Variants in SNRPB observed in about 807,000 individuals in gnomAD.
SNRPB encodes the protein small nuclear ribonucleoprotein polypeptides B and B1.
A neutral mutation model predicts 26.6 loss-of-function variants in SNRPB; 5 were observed. The observed-to-expected ratio is 0.19, with a 90% confidence interval of 0.10 to 0.39. The LOEUF is 0.39. Among genes scored for constraint, SNRPB ranks in the 10% least tolerant of loss-of-function variants. The probability of loss-of-function intolerance (pLI) is 1.00; values close to 1 mark genes in which losing one functional copy is unlikely to be tolerated. For missense variants in SNRPB, 211 were observed against 311.9 expected (o/e 0.68, Z 2.44); for synonymous variants, 122 against 105.8 (o/e 1.15, Z -0.94).
chr20:2,461,779 C>T lies in SNRPB; in HGVS notation c.*150G>A. 1 of 1,611,426 alleles carries T rather than the reference C, an allele frequency of 6.2e-7. No homozygotes were observed. ...GTCTAGGGCCTTGGTGGGCGCATTC[C>T]CGGGGGAGGGGGCCCTGTAAGGGAA... is the stretch of plus-strand genomic sequence containing the variant. On this transcript the variant is annotated 3_prime_UTR_variant, in exon 7 of 7. Transcript: ENST00000381342.
chr20:2,470,645 C>T, intron 1 of SNRPB, 43 bp downstream of exon 1: 1 of 1,613,132 alleles, frequency 6.2e-7, no homozygotes. Flanking sequence ...CACTCCACAA[C>T]AGACTCGGAA....
At chr20:2,464,491 C>T (rs1409322590) in intron 3 of SNRPB, among the ~76,000 whole-genome samples, 1 of 152,096 alleles carries the variant, frequency 6.6e-6, no homozygotes, top group Non-Finnish European at 1.5e-5. Flanking sequence ...ACGTAAAAAT[C>T]TCCAAAAAAG....
chr20:2,466,868 C>T (rs1009620419), intron 2 of SNRPB, among the ~76,000 whole-genome samples: 19 of 152,150 alleles, frequency 1.2e-4, no homozygotes, highest in African/African-American at 4.1e-4. Context: ...CCTTGGGTCA[C>T]AGAAGAAATC....
At chr20:2,465,681 TCCA>T in intron 3 of SNRPB, 24 bp downstream of exon 3, 4 of 1,507,480 alleles carry the variant, frequency 2.7e-6, no homozygotes, top group Non-Finnish European at 3.7e-6. Flanking sequence ...CCTCCCCTCC[TCCA>T]CAAGGCTTCC....
intron 3 of SNRPB, 43 bp downstream of exon 3, chr20:2,465,665 G>T: frequency 7.5e-7 from 1 of 1,328,942 alleles, no homozygotes; most frequent in Non-Finnish European, 1.1e-6. Context: ...CTGGCTCACA[G>T]TAGGGCCTCC....
rs1250830148 is a variant in SNRPB at position 2,462,839 on chromosome 20, C to A, written c.560-78G>T. 7.7e-6 allele frequency: 10 copies of A among 1,290,452 alleles called. No homozygotes were observed. In the South Asian group the frequency reaches 1.5e-4, roughly 19 times the overall value. 79.9% of individuals were successfully genotyped at this position (1,290,452 alleles called of 1,614,324 possible). ...AGCAAAAAAACTACAAAGCTTTCCA[C>A]CAAGTTCTGAGATAGATGGACCATT... On this transcript the variant is annotated intron_variant, in intron 5 of 6. Transcript: ENST00000381342.
Position 2,462,619 on chromosome 20 carries a change from C to T in SNRPB, c.685+17G>A, listed in dbSNP as rs772433775. 1.9e-6 allele frequency: 3 copies of T among 1,611,616 alleles called. No homozygotes were observed. Among genetic ancestry groups the T allele is most frequent in the East Asian group, 2.2e-5 (1 of 44,838 alleles). On this transcript the variant is annotated intron_variant, in intron 6 of 6. Transcript: ENST00000381342. ...GCTCTAGGGAAAGAAGCCAAAGTCA[C>T]CACTGCAGGCACTTACCTCGCATCC...
intron 2 of SNRPB, 63 bp from the exon 3 acceptor site, chr20:2,465,882 T>C: frequency 8.0e-7 from 1 of 1,247,092 alleles, no homozygotes; most frequent in Non-Finnish European, 1.2e-6. Context: ...ACCTGCCTAG[T>C]GGCCTCCAAG....
At chr20:2,467,174 G>A (rs1404893841) in intron 2 of SNRPB, 2 of 410,120 alleles carry the variant, frequency 4.9e-6, no homozygotes, top group African/African-American at 2.1e-5. Flanking sequence ...AAACCCACAT[G>A]GGGAGCTGAG....
In SNRPB at chr20:2,464,667, A is replaced by G. The variant is rs527833828; in HGVS notation, c.268-768T>C. On this transcript the variant is annotated intron_variant, in intron 3 of 6. Coordinates refer to ENST00000381342, the MANE Select transcript of SNRPB (RefSeq NM_003091.4). ...AAGTACAAAAAAATCCAGATAATAT[A>G]TGTGGATTTTTAAAAAGTTAAAAGG... Among the ~76,000 whole-genome samples, 10 of 152,326 alleles carry G rather than the reference A, an allele frequency of 6.6e-5. 1 individual carries two copies. Among genetic ancestry groups the G allele is most frequent in the Middle Eastern group, 3.4e-3 (1 of 294 alleles).
rs1389994284 is a variant in SNRPB, at chr20:2,463,384, C to T, written c.421-157G>A. Among the ~76,000 whole-genome samples, 2 of 152,192 alleles carry T rather than the reference C, an allele frequency of 1.3e-5. No individual in the cohort carries two copies. The highest frequency in any genetic ancestry group is 1.9e-4 in the East Asian group (1 of 5,198). On this transcript the variant is annotated intron_variant, in intron 4 of 6. Transcript: ENST00000381342. The surrounding 1 kb of genome is among the most constrained non-coding windows in gnomAD (Gnocchi z 5.0). ...AGACTTCCCATCCAAAACCACATGT[C>T]GGGAAAGATCAAGCTTGAATGCCCA...
intron 2 of SNRPB, among the ~76,000 whole-genome samples, chr20:2,466,344 A>T (rs1219622369): frequency 6.6e-6 from 1 of 152,242 alleles, no homozygotes; most frequent in Non-Finnish European, 1.5e-5. Context: ...ACATACACAG[A>T]AATTGAAATT....
At chr20:2,465,193 T>A (rs2085064048) in intron 3 of SNRPB, among the ~76,000 whole-genome samples, 1 of 152,204 alleles carries the variant, frequency 6.6e-6, no homozygotes. Context: ...AATACACACA[T>A]TTCCTATTGT....
Position 2,463,496 on chromosome 20 carries a change from A to G in SNRPB, c.420+251T>C, listed in dbSNP as rs1229644987. 6.6e-6 allele frequency among the ~76,000 whole-genome samples: 1 copy of G among 152,212 alleles called. No individual in the cohort carries two copies. The highest frequency in any genetic ancestry group is 1.9e-4 in the East Asian group (1 of 5,196). The stretch of plus-strand genomic sequence containing the variant: ...TTTTCAAATATGACTCATGATTTCA[A>G]ATGCTGTCATGGAAATATTTTCCTT... On this transcript the variant is annotated intron_variant, in intron 4 of 6. Transcript: ENST00000381342. This position sits in a 1 kb window ranked among gnomAD's most constrained non-coding sequence, Gnocchi z 5.0.
chr20:2,462,546 T>C (rs2085042326), intron 6 of SNRPB, 90 bp downstream of exon 6: 10 of 1,121,600 alleles, frequency 8.9e-6, no homozygotes, highest in South Asian at 7.4e-5. Flanking sequence ...TGAAAGCCCA[T>C]GGGATATGAT....
At chr20:2,470,346 G>A (rs969083963) in intron 1 of SNRPB, among the ~76,000 whole-genome samples, 4 of 152,208 alleles carry the variant, frequency 2.6e-5, no homozygotes, top group Admixed American at 1.3e-4. Context: ...TGCGGCTCCA[G>A]TGCCTGCTCC....
chr20:2,468,114 T>C (rs115556517), intron 1 of SNRPB, among the ~76,000 whole-genome samples: 3,055 of 152,310 alleles, frequency 0.02, 105 homozygotes, highest in African/African-American at 0.07. Context: ...TATAGATATG[T>C]GACTCAAGTG....
intron 1 of SNRPB, among the ~76,000 whole-genome samples, chr20:2,468,122 G>T (rs939435870): frequency 2.0e-5 from 3 of 152,190 alleles, no homozygotes; most frequent in Non-Finnish European, 2.9e-5. Flanking sequence ...TGTGACTCAA[G>T]TGCTATGGAA....
chr20:2,465,622 A>T (rs1451312298), intron 3 of SNRPB, 86 bp downstream of exon 3: 1 of 901,778 alleles, frequency 1.1e-6, no homozygotes, highest in East Asian at 2.4e-5. Context: ...GATGCCTGTG[A>T]GAACTGCAAT....
Sources: allele counts gnomAD v4.1 joint callset (sites outside exome capture counted in the v4.1 genomes callset), GRCh38; gene constraint gnomAD v4.1.1; non-coding constraint Gnocchi (gnomAD v3.1); transcripts MANE v1.5; gene names NCBI Gene and HGNC (gene_info 2026-07-23, HGNC 2026-07-21).